The following C6 variants were observed in gnomAD, a reference collection of about 807,000 sequenced individuals.
C6 encodes the protein complement C6.
Under a neutral mutation model 112.9 loss-of-function variants are expected in C6, and 101 were observed. That is an observed-to-expected ratio of 0.89 (90% CI 0.76 to 1.06). C6 has a LOEUF of 1.06. Among genes scored for constraint, C6 ranks in the 50% least tolerant of loss-of-function variants. The pLI is 0.00. For missense variants in C6, 1,202 were observed against 1,104.6 expected (o/e 1.09, Z -1.25); for synonymous variants, 431 against 384.1 (o/e 1.12, Z -1.43).
chr5:41,231,705 T>C (rs1233246262), intron 1 of C6, among the ~76,000 whole-genome samples: 1 of 152,078 alleles, frequency 6.6e-6, no homozygotes, highest in Non-Finnish European at 1.5e-5. Flanking sequence ...TATTTTAAAG[T>C]AAGTGGTGTG....
chr5:41,257,582 GTGTT>G (rs1741798298), intron 1 of C6, among the ~76,000 whole-genome samples: 1 of 152,176 alleles, frequency 6.6e-6, no homozygotes, highest in African/African-American at 2.4e-5. Flanking sequence ...GATGAATAAA[GTGTT>G]TGGGAGTAGG....
rs756082279 is a variant in C6 at position 41,195,953 on chromosome 5, A to G, written c.446-20T>C. The G allele has an allele frequency of 1.9e-6, 3 of 1,613,232 alleles. No individual in the cohort carries two copies. In the East Asian group the frequency reaches 6.7e-5, roughly 36 times the overall value. Reference sequence around the variant, plus strand: ...AGCGGCCTAGTCAAGAAAAGCAAACAAAATCAATGCAACAAATTATCATTT... The same window carrying G: ...AGCGGCCTAGTCAAGAAAAGCAAACGAAATCAATGCAACAAATTATCATTT... On this transcript the variant is annotated intron_variant, in intron 4 of 17. Transcript: ENST00000337836.
At chr5:41,240,844 G>T (rs1022133332) in intron 1 of C6, among the ~76,000 whole-genome samples, 3 of 152,082 alleles carry the variant, frequency 2.0e-5, no homozygotes, top group Admixed American at 1.3e-4. Context: ...TTCTCTTTAG[G>T]TCTCCCCTCC....
chr5:41,250,551 T>C (rs1254891096), intron 1 of C6, among the ~76,000 whole-genome samples: 1 of 152,214 alleles, frequency 6.6e-6, no homozygotes, highest in Non-Finnish European at 1.5e-5. Context: ...AAGTACATCA[T>C]ATCTGAGCAG....
chr5:41,185,187 A>C (rs370740598), intron 6 of C6, among the ~76,000 whole-genome samples: 8 of 152,296 alleles, frequency 5.3e-5, no homozygotes, highest in African/African-American at 1.9e-4. Context: ...GAGGTATTCA[A>C]ATTTGACGGT....
chr5:41,235,058 CTT>C (rs11340018), intron 1 of C6, among the ~76,000 whole-genome samples: 2,839 of 124,776 alleles, frequency 0.023, 40 homozygotes, highest in East Asian at 0.069. Context: ...CATTCTCATT[CTT>C]TTTTTTTTTT....
At chr5:41,228,849 AT>A (rs1739694996) in intron 1 of C6, among the ~76,000 whole-genome samples, 1 of 152,230 alleles carries the variant, frequency 6.6e-6, no homozygotes, top group South Asian at 2.1e-4. Context: ...ATACTGTTGA[AT>A]TCAGTTTGCA....
chr5:41,232,037 C>T (rs1239333448), intron 1 of C6, among the ~76,000 whole-genome samples: 2 of 151,988 alleles, frequency 1.3e-5, no homozygotes, highest in Non-Finnish European at 2.9e-5. Flanking sequence ...TTAAGAATCT[C>T]AAAAGTTTGT....
chr5:41,196,138 T>C (rs959438268), intron 4 of C6, among the ~76,000 whole-genome samples: 79 of 152,242 alleles, frequency 5.2e-4, no homozygotes, highest in African/African-American at 1.9e-3. Context: ...CACCACAGAA[T>C]TATTTAGTTG....
At chr5:41,148,463 A>C (rs1223333825) in intron 17 of C6, among the ~76,000 whole-genome samples, 1 of 152,176 alleles carries the variant, frequency 6.6e-6, no homozygotes, top group Non-Finnish European at 1.5e-5. Context: ...GCTTATCTAT[A>C]AACTATTAGA....
At chr5:41,238,760 A>T (rs977194206) in intron 1 of C6, among the ~76,000 whole-genome samples, 3 of 152,208 alleles carry the variant, frequency 2.0e-5, no homozygotes, top group Non-Finnish European at 4.4e-5. Context: ...AATAACCTGA[A>T]GGGCATAGAT....
intron 5 of C6, among the ~76,000 whole-genome samples, chr5:41,192,248 T>A (rs1336106504): frequency 6.6e-6 from 1 of 152,212 alleles, no homozygotes; most frequent in Non-Finnish European, 1.5e-5. Flanking sequence ...TACTACTTAA[T>A]TATAGTAGAT....
chr5:41,189,213 T>C (rs936903786), intron 5 of C6, among the ~76,000 whole-genome samples: 4 of 152,090 alleles, frequency 2.6e-5, no homozygotes, highest in African/African-American at 9.6e-5. Flanking sequence ...TGGAAAATAG[T>C]TGGGAGTTCT....
chr5:41,178,558 C>A lies in C6; in HGVS notation c.928-1843G>T, dbSNP rs558308645. ...TGGTGCCATCTTGGCTCATTGCAACCTTTGCCTCCTGGGTTCAAGTGATTC... is the reference window on the plus strand; with the variant it reads ...TGGTGCCATCTTGGCTCATTGCAACATTTGCCTCCTGGGTTCAAGTGATTC... On this transcript the variant is annotated intron_variant, in intron 7 of 17. Coordinates refer to ENST00000337836, the MANE Select transcript of C6 (RefSeq NM_000065.5). 4.7e-5 allele frequency among the ~76,000 whole-genome samples: 7 copies of A among 148,084 alleles called. No individual in the cohort carries two copies. In the East Asian group the frequency reaches 1.2e-3, roughly 25 times the overall value.
intron 1 of C6, among the ~76,000 whole-genome samples, chr5:41,205,560 A>C (rs1319848561): frequency 6.6e-6 from 1 of 152,192 alleles, no homozygotes; most frequent in African/African-American, 2.4e-5. Context: ...CAAATGGCAC[A>C]CCAGGAGATT....
chr5:41,151,376 G>T (rs1383729547), intron 15 of C6, among the ~76,000 whole-genome samples: 1 of 152,158 alleles, frequency 6.6e-6, no homozygotes, highest in Admixed American at 6.5e-5. Flanking sequence ...TGATTCTTCG[G>T]TTTCTGATTT....
intron 1 of C6, among the ~76,000 whole-genome samples, chr5:41,252,690 A>G (rs1387570920): frequency 6.6e-6 from 1 of 152,138 alleles, no homozygotes; most frequent in Non-Finnish European, 1.5e-5. Context: ...GGGAAATTTA[A>G]GAGTTTGATA....
chr5:41,197,809 T>C (rs962914356), intron 4 of C6, among the ~76,000 whole-genome samples: 6 of 151,972 alleles, frequency 3.9e-5, no homozygotes, highest in African/African-American at 1.2e-4. Flanking sequence ...ATAGAAAGCA[T>C]AAGGGGAGAG....
In C6 at chr5:41,176,455, T is replaced by A. The variant is rs764827217; in HGVS notation, c.1168+20A>T. 2 of 1,610,876 alleles carry A rather than the reference T, an allele frequency of 1.2e-6. No individual in the cohort carries two copies. The highest frequency in any genetic ancestry group is 8.5e-7 in the Non-Finnish European group (1 of 1,177,778). On this transcript the variant is annotated intron_variant, in intron 8 of 17. Coordinates refer to ENST00000337836, the MANE Select transcript of C6 (RefSeq NM_000065.5). ...ATGCTATCATACCAGTTAAAAAGAG[T>A]GAGGACTGAAGAAAGTTACCTGAGT... is the stretch of plus-strand genomic sequence containing the variant.
Sources: gnomAD v4.1 joint callset for allele counts (sites outside exome capture counted in the v4.1 genomes callset) on GRCh38, gnomAD v4.1.1 for gene constraint, MANE v1.5 for transcripts, NCBI Gene and HGNC (gene_info 2026-07-23, HGNC 2026-07-21) for gene names.